The following TSPAN18 variants were observed in gnomAD, a reference collection of about 807,000 sequenced individuals.
The protein encoded by TSPAN18 is tetraspanin 18.
TSPAN18 carries 14 observed loss-of-function variants against 27.3 expected under a neutral mutation model. The observed-to-expected ratio is 0.51, with a 90% CI of 0.34 to 0.80. TSPAN18 has a LOEUF of 0.80. Among genes scored for constraint, TSPAN18 ranks in the 30% least tolerant of loss-of-function variants. The pLI is 0.01. For synonymous variants in TSPAN18, 143 were observed against 136.5 expected, an observed-to-expected ratio of 1.05 and a Z score of -0.33; for missense variants, 268 against 323.9, an observed-to-expected ratio of 0.83 and a Z score of 1.32.
intron 1 of TSPAN18, among the ~76,000 whole-genome samples, chr11:44,752,560 GAC>G (rs1353077763): frequency 4.6e-5 from 2 of 43,912 alleles, no homozygotes; most frequent in Non-Finnish European, 1.2e-4. Flanking sequence ...TCATTTCTTT[GAC>G]AGTTTGTGTG....
At chr11:44,917,646 G>A (rs1319198271) in intron 5 of TSPAN18, 4 of 231,500 alleles carry the variant, frequency 1.7e-5, no homozygotes, top group Non-Finnish European at 2.5e-5. Context: ...GGGCTCAAAC[G>A]GGTTTCATCA....
At chr11:44,757,537 C>G (rs1448249870) in intron 1 of TSPAN18, among the ~76,000 whole-genome samples, 1 of 152,076 alleles carries the variant, frequency 6.6e-6, no homozygotes, top group Non-Finnish European at 1.5e-5. Flanking sequence ...GCATGTGCCA[C>G]CATGCCCAGC....
At chr11:44,865,265 C>T (rs1858005541) in intron 3 of TSPAN18, among the ~76,000 whole-genome samples, 4 of 152,136 alleles carry the variant, frequency 2.6e-5, no homozygotes, top group African/African-American at 4.8e-5. Flanking sequence ...GTTATTGAGT[C>T]TCTCTCAAAT....
intron 3 of TSPAN18, among the ~76,000 whole-genome samples, chr11:44,897,989 T>C (rs1859124106): frequency 6.6e-6 from 1 of 152,226 alleles, no homozygotes; most frequent in Non-Finnish European, 1.5e-5. Flanking sequence ...ATTTCTCTGA[T>C]TTGCTGACTC....
At position 44,807,217 on chromosome 11, in the gene TSPAN18, AAAAAAAAAAAAAAAAAAAAG is replaced by A. The variant is rs1565158379; in HGVS notation, c.-153+42708_-153+42727del. Among the ~76,000 whole-genome samples, 199 of 56,418 alleles carry A rather than the reference AAAAAAAAAAAAAAAAAAAAG, an allele frequency of 3.5e-3. 18 individuals carry two copies. Among genetic ancestry groups the A allele is most frequent in the South Asian group, 8.1e-3 (10 of 1,234 alleles). The allele number at this position is 56,418 out of a possible 152,430, so 37.0% of individuals were successfully genotyped here. A position where few individuals can be genotyped will look rare whatever the true frequency, so the allele number is the denominator to read the frequency against. ...TAAAAAAAAAAAAAAAAAAAAAAAAAAAAAAAAAAAAAAAAAAAAGAAGGAAAGAGGCCAGGCACCGTGGC... is the reference window on the plus strand; with the variant it reads ...TAAAAAAAAAAAAAAAAAAAAAAAAAAAGGAAAGAGGCCAGGCACCGTGGC... On this transcript the variant is annotated intron_variant, in intron 2 of 9. Transcript: ENST00000520358.
intron 1 of TSPAN18, among the ~76,000 whole-genome samples, chr11:44,755,009 G>A (rs1488435897): frequency 1.3e-5 from 2 of 152,204 alleles, no homozygotes; most frequent in African/African-American, 2.4e-5. Context: ...GCTGGCATGT[G>A]CTGTCTGCAG....
At chr11:44,804,917 G>C (rs909158955) in intron 2 of TSPAN18, among the ~76,000 whole-genome samples, 4 of 152,216 alleles carry the variant, frequency 2.6e-5, no homozygotes, top group Non-Finnish European at 4.4e-5. Flanking sequence ...TGTTTAAGTG[G>C]GACAAGCAAG....
At chr11:44,749,675 T>C (rs1311919396) in intron 1 of TSPAN18, among the ~76,000 whole-genome samples, 3 of 149,232 alleles carry the variant, frequency 2.0e-5, no homozygotes, top group East Asian at 2.0e-4. Flanking sequence ...CTCACTCTGT[T>C]GCCCAGGCTG....
At chr11:44,897,436 G>A (rs1859100623) in intron 3 of TSPAN18, among the ~76,000 whole-genome samples, 2 of 152,190 alleles carry the variant, frequency 1.3e-5, no homozygotes, top group Non-Finnish European at 2.9e-5. Context: ...TCTCCTCCCA[G>A]GCCATCAGCC....
chr11:44,875,574 C>T (rs539889768), intron 3 of TSPAN18, among the ~76,000 whole-genome samples: 15 of 152,304 alleles, frequency 9.8e-5, no homozygotes, highest in East Asian at 7.7e-4. Context: ...GCATTCAGCA[C>T]GTAATTATGT....
chr11:44,769,546 G>T (rs904121229), intron 2 of TSPAN18, among the ~76,000 whole-genome samples: 1 of 152,100 alleles, frequency 6.6e-6, no homozygotes, highest in Non-Finnish European at 1.5e-5. Flanking sequence ...TTTTTGCAAG[G>T]TTTATTGATT....
intron 2 of TSPAN18, among the ~76,000 whole-genome samples, chr11:44,794,813 G>A (rs1856311287): frequency 6.6e-6 from 1 of 152,338 alleles, no homozygotes; most frequent in Non-Finnish European, 1.5e-5. Context: ...AATAATGAAA[G>A]CGCCTGTCTG....
chr11:44,834,463 C>T (rs147139040), intron 2 of TSPAN18, among the ~76,000 whole-genome samples: 1 of 151,474 alleles, frequency 6.6e-6, no homozygotes, highest in Non-Finnish European at 1.5e-5. Flanking sequence ...GTGAAGTTGG[C>T]AAATGATGAA....
chr11:44,927,355 G>A (rs561562382), intron 9 of TSPAN18, among the ~76,000 whole-genome samples: 2 of 152,322 alleles, frequency 1.3e-5, no homozygotes, highest in African/African-American at 4.8e-5. Flanking sequence ...CCGACTTGCT[G>A]CTCCTGGGGG....
intron 1 of TSPAN18, among the ~76,000 whole-genome samples, chr11:44,734,909 C>T (rs1854752914): frequency 6.6e-6 from 1 of 152,176 alleles, no homozygotes. Context: ...GCCCAGGGAA[C>T]TTGCTCATTG....
chr11:44,892,356 T>C lies in TSPAN18; in HGVS notation c.-10-14051T>C, dbSNP rs529531051. Among the ~76,000 whole-genome samples, 360 of 152,308 alleles carry C rather than the reference T, an allele frequency of 2.4e-3. 2 individuals carry two copies. The highest frequency in any genetic ancestry group is 8.3e-3 in the African/African-American group (345 of 41,568). ...CGCCATTCCTCCCAGGCCCCTGGAC[T>C]TGGTTGCTTGGCCTGCTTCAACTAC... On this transcript the variant is annotated intron_variant, in intron 3 of 9. Coordinates refer to ENST00000520358, the MANE Select transcript of TSPAN18 (RefSeq NM_130783.5).
intron 1 of TSPAN18, among the ~76,000 whole-genome samples, chr11:44,752,610 ATC>A (rs1855238337): frequency 2.0e-5 from 3 of 152,328 alleles, no homozygotes; most frequent in East Asian, 3.9e-4. Flanking sequence ...GCATACATAT[ATC>A]TCTATATAAA....
intron 2 of TSPAN18, among the ~76,000 whole-genome samples, chr11:44,797,862 G>A (rs1337605502): frequency 6.6e-6 from 1 of 152,152 alleles, no homozygotes; most frequent in East Asian, 1.9e-4. Context: ...ACTAATGCTT[G>A]GCCCTAAACA....
In TSPAN18 at chr11:44,739,107, C is replaced by T. The variant is rs986200115; in HGVS notation, c.-240+11820C>T. On this transcript the variant is annotated intron_variant, in intron 1 of 9. Transcript: ENST00000520358. ...TGGTGACTTCTCTCCTGGCCCTTTG[C>T]TCCCGTCCAGCCTTGAATCCCTCGT... is the stretch of plus-strand genomic sequence containing the variant. Among the ~76,000 whole-genome samples, 3 of 152,194 alleles carry T rather than the reference C, an allele frequency of 2.0e-5. No homozygotes were observed. The East Asian group carries it at 5.8e-4, about 29-fold the overall frequency.
Sources: gnomAD v4.1 joint callset for allele counts (sites outside exome capture counted in the v4.1 genomes callset) on GRCh38, gnomAD v4.1.1 for gene constraint, MANE v1.5 for transcripts, NCBI Gene and HGNC (gene_info 2026-07-23, HGNC 2026-07-21) for gene names.